Variants in BUB1 observed in about 807,000 individuals in gnomAD.
The protein encoded by BUB1 is BUB1 mitotic checkpoint serine/threonine kinase.
A neutral mutation model predicts 135.2 loss-of-function variants in BUB1; 84 were observed. The observed-to-expected ratio is 0.62, with a 90% CI of 0.52 to 0.74. The LOEUF is 0.74. Ranked by LOEUF, BUB1 falls within the 30% of genes least tolerant of loss-of-function variation. BUB1 has a pLI of 0.00. For missense variants in BUB1, 1,162 were observed against 1,288.3 expected (o/e 0.90, Z 1.50); for synonymous variants, 403 against 434.4 (o/e 0.93, Z 0.90).
At chr2:110,672,617 T>C in intron 4 of BUB1, 44 bp downstream of exon 4, 1 of 1,510,596 alleles carries the variant, frequency 6.6e-7, no homozygotes, top group Non-Finnish European at 8.9e-7. Context: ...AAACATTACT[T>C]TTCAAAGTCA....
intron 4 of BUB1, among the ~76,000 whole-genome samples, chr2:110,671,947 G>A (rs993417083): frequency 2.0e-5 from 3 of 152,212 alleles, no homozygotes; most frequent in Non-Finnish European, 4.4e-5. Flanking sequence ...CACAGGCCAG[G>A]CGCAGTGGCT....
At chr2:110,663,304 T>C (rs1690150645) in intron 9 of BUB1, among the ~76,000 whole-genome samples, 1 of 152,062 alleles carries the variant, frequency 6.6e-6, no homozygotes, top group Admixed American at 6.6e-5. Flanking sequence ...TTGTAGTAAA[T>C]ACACCTATGA....
Position 110,658,697 on chromosome 2 carries a change from G to A in BUB1, c.1322C>T (p.Thr441Ile). Residue 441 changes from threonine to isoleucine, a missense_variant, in exon 12 of 25, where the codon ACT becomes ATT. Coordinates refer to ENST00000302759, the MANE Select transcript of BUB1 (RefSeq NM_004336.5). ...AACCATTCCCAGTGATGTGTTTGGA[G>A]TTGTGTGAAAAGAACTTGTGTTGGC... The part of the protein sequence containing the change: ...KVANTSSFHT[T>I]PNTSLGMVQA... The A allele has an allele frequency of 6.2e-7, 1 of 1,614,194 alleles. No individual in the cohort carries two copies. The highest frequency in any genetic ancestry group is 8.5e-7 in the Non-Finnish European group (1 of 1,180,028).
At chr2:110,642,594 T>C (rs1211679461) in intron 19 of BUB1, 1 of 155,598 alleles carries the variant, frequency 6.4e-6, no homozygotes, top group African/African-American at 2.4e-5. Flanking sequence ...AGGTATGTTG[T>C]AGAATGGCCC....
At chr2:110,677,873 G>A (rs1172905771) in intron 1 of BUB1, 97 bp downstream of exon 1, 1 of 1,412,134 alleles carries the variant, frequency 7.1e-7, no homozygotes, top group Admixed American at 2.4e-5. Context: ...GGAAGGGGGC[G>A]AAGGGGGCAA....
chr2:110,649,046 C>T (rs1464658813), intron 19 of BUB1, 188 bp downstream of exon 19: 8 of 474,666 alleles, frequency 1.7e-5, no homozygotes, highest in Non-Finnish European at 2.9e-5. Flanking sequence ...GAGTTATAGT[C>T]CCAACAGCAA....
chr2:110,639,628 A>T, intron 24 of BUB1, 114 bp downstream of exon 24: 1 of 842,614 alleles, frequency 1.2e-6, no homozygotes, highest in Non-Finnish European at 1.9e-6. Flanking sequence ...ATATTGCCCA[A>T]GGCATAGGAT....
chr2:110,667,558 G>T lies in BUB1; in HGVS notation c.768C>A (p.Ala256=), dbSNP rs1690292472. The change falls in exon 8 of 25, where the codon GCC becomes GCA. Residue 256 remains alanine (A), a synonymous_variant. Transcript: ENST00000302759. The stretch of plus-strand genomic sequence containing the variant: ...GCTTTCTCCGTTGATTGTATTTCTG[G>T]GCTCTCAATTCTTCAAAGGAAAATT... ...ESEFSFEELR[A]QKYNQRRKHE... The T allele has an allele frequency of 6.2e-7, 1 of 1,613,336 alleles. No individual in the cohort carries two copies. Among genetic ancestry groups the T allele is most frequent in the African/African-American group, 1.3e-5 (1 of 74,798 alleles).
chr2:110,655,726 G>C lies in BUB1; in HGVS notation c.1876+13C>G. The C allele has an allele frequency of 1.2e-6, 2 of 1,607,358 alleles. No homozygotes were observed. The highest frequency in any genetic ancestry group is 1.7e-6 in the Non-Finnish European group (2 of 1,174,854). On this transcript the variant is annotated intron_variant, in intron 16 of 24. Transcript: ENST00000302759. The stretch of plus-strand genomic sequence containing the variant: ...TTGGCAGAAGACAGACACTAAAACA[G>C]TGTAACACACACCTTTATCTTCTAA...
Position 110,678,015 on chromosome 2 carries a change from G to A in BUB1, c.-20C>T, listed in dbSNP as rs776307661. The A allele has an allele frequency of 6.2e-7, 1 of 1,601,736 alleles. No homozygotes were observed. The highest frequency in any genetic ancestry group is 1.1e-5 in the South Asian group (1 of 89,290). ...GTCCATGGCCAGAGGACGCTGGCCG[G>A]CAGCGGCCAAACCTGAACCGCAAAC... On this transcript the variant is annotated 5_prime_UTR_variant, in exon 1 of 25. Coordinates refer to ENST00000302759, the MANE Select transcript of BUB1 (RefSeq NM_004336.5).
chr2:110,644,478 CAAA>C (rs57312823), intron 19 of BUB1, among the ~76,000 whole-genome samples: 2 of 63,148 alleles, frequency 3.2e-5, no homozygotes, highest in Admixed American at 1.6e-4. Flanking sequence ...AACCCCGTCT[CAAA>C]AAAAAAAAAA....
Position 110,650,656 on chromosome 2 carries a change from C to T in BUB1, c.2093G>A (p.Cys698Tyr), listed in dbSNP as rs764154158. Residue 698 changes from cysteine (C) to tyrosine (Y), a missense_variant, in exon 18 of 25, where the codon TGC becomes TAC. Physicochemically the swap from Cys to Tyr is radical, Grantham distance 194. Coordinates refer to ENST00000302759, the MANE Select transcript of BUB1 (RefSeq NM_004336.5). Reference protein sequence around the residue: ...TCEAELGVEACRLTDTDAAIA... With the variant: ...TCEAELGVEAYRLTDTDAAIA... The stretch of plus-strand genomic sequence containing the variant: ...GGCAGCGTCAGTGTCTGTGAGTCTG[C>T]AAGCCTCAACGCCCAACTCTGCCTC... 72 of 1,613,880 alleles carry T rather than the reference C, an allele frequency of 4.5e-5. No individual in the cohort carries two copies. In the East Asian group the frequency reaches 7.1e-4, roughly 16 times the overall value.
At chr2:110,652,058 A>G (rs1037758967) in intron 17 of BUB1, among the ~76,000 whole-genome samples, 1 of 151,000 alleles carries the variant, frequency 6.6e-6, no homozygotes, top group Non-Finnish European at 1.5e-5. Context: ...ATATACATCC[A>G]TACACACACA....
At position 110,666,378 on chromosome 2, in the gene BUB1, G is replaced by T. The variant is rs1357727224; in HGVS notation, c.842C>A (p.Ala281Glu). The T allele has an allele frequency of 6.6e-7, 1 of 1,513,920 alleles. No homozygotes were observed. Among genetic ancestry groups the T allele is most frequent in the Non-Finnish European group, 8.9e-7 (1 of 1,129,374 alleles). 93.8% of individuals were successfully genotyped at this position (1,513,920 alleles called of 1,614,324 possible). A position where few individuals can be genotyped will look rare whatever the true frequency, so the allele number is the denominator to read the frequency against. The change falls in exon 9 of 25, where the codon GCA (alanine) becomes GAA (glutamate). Residue 281 changes from alanine to glutamate, a missense_variant. Transcript: ENST00000302759. ...EDRHYMKRKE[A>E]NAFEEQLLKQ... ...TAATAGCTGTTCTTCAAAAGCATTT[G>T]CTTCTTTCCTTTTCATATAATGTCT... is the stretch of plus-strand genomic sequence containing the variant.
At chr2:110,670,016 G>C (rs541154270) in intron 5 of BUB1, among the ~76,000 whole-genome samples, 1 of 150,738 alleles carries the variant, frequency 6.6e-6, no homozygotes, top group East Asian at 2.0e-4. Context: ...CTTTTAAAAT[G>C]CTAAGACAAA....
intron 9 of BUB1, among the ~76,000 whole-genome samples, chr2:110,663,875 A>C (rs1403127006): frequency 6.6e-6 from 1 of 152,010 alleles, no homozygotes; most frequent in East Asian, 1.9e-4. Flanking sequence ...AAAATACAAA[A>C]AAAATTAGCC....
chr2:110,674,322 G>C lies in BUB1; in HGVS notation c.70C>G (p.Leu24Val). The C allele has an allele frequency of 6.2e-7, 1 of 1,614,068 alleles. No homozygotes were observed. Among genetic ancestry groups the C allele is most frequent in the Non-Finnish European group, 8.5e-7 (1 of 1,179,996 alleles). The change falls in exon 2 of 25, where the codon CTT becomes GTT. Residue 24 changes from leucine to valine, a missense_variant. By Grantham distance (32) the Leu-to-Val change is conservative. Transcript: ENST00000302759. Reference protein sequence around the residue: ...HMQSYKGNDPLGEWERYIQWV... With the variant: ...HMQSYKGNDPVGEWERYIQWV... ...AATGCTGACCTTTCCCATTCACCAA[G>C]AGGGTCATTGCCCTTGTAGCTCTGC...
At chr2:110,657,758 A>G (rs1380864660) in intron 13 of BUB1, 113 bp from the exon 14 acceptor site, 2 of 713,690 alleles carry the variant, frequency 2.8e-6, no homozygotes, top group Admixed American at 3.1e-5. Flanking sequence ...AAAAGAACTA[A>G]TATCAGCTTT....
At chr2:110,675,720 T>C (rs1690560632) in intron 1 of BUB1, among the ~76,000 whole-genome samples, 1 of 152,172 alleles carries the variant, frequency 6.6e-6, no homozygotes, top group South Asian at 2.1e-4. Flanking sequence ...AGTGCAATCA[T>C]GGCTCGCTGT....
Sources: gnomAD v4.1 joint callset for allele counts (sites outside exome capture counted in the v4.1 genomes callset) on GRCh38, gnomAD v4.1.1 for gene constraint, MANE v1.5 for transcripts, NCBI Gene and HGNC (gene_info 2026-07-23, HGNC 2026-07-21) for gene names.